STRN3: variants seen among roughly 807,000 people sequenced by gnomAD.
The protein encoded by STRN3 is striatin 3, also known as striatin-3.
STRN3 carries 29 observed loss-of-function variants against 95.6 expected under a neutral mutation model. The observed-to-expected ratio is 0.30, with a 90% CI of 0.23 to 0.41. The LOEUF (loss-of-function observed/expected upper bound fraction) is 0.41, where lower values mean the gene tolerates loss of function less well. Ranked by LOEUF, STRN3 falls within the 10% of genes least tolerant of loss-of-function variation. The probability of loss-of-function intolerance (pLI) is 1.00; values close to 1 mark genes in which losing one functional copy is unlikely to be tolerated. For synonymous variants in STRN3, 331 were observed against 357.6 expected, an observed-to-expected ratio of 0.93 and a Z score of 0.84; for missense variants, 890 against 972.1, an observed-to-expected ratio of 0.92 and a Z score of 1.12.
At chr14:30,947,979 CAA>C (rs1566451831) in intron 4 of STRN3, among the ~76,000 whole-genome samples, 1 of 151,690 alleles carries the variant, frequency 6.6e-6, no homozygotes, top group South Asian at 2.1e-4. Context: ...GGCAGAAGAA[CAA>C]AAGATTTTTA....
At chr14:31,007,714 G>C (rs1243313548) in intron 1 of STRN3, among the ~76,000 whole-genome samples, 3 of 151,632 alleles carry the variant, frequency 2.0e-5, no homozygotes, top group African/African-American at 7.3e-5. Context: ...ACCATCCTAG[G>C]CAAATAACAA....
At chr14:30,906,301 T>C (rs1489076026) in intron 14 of STRN3, among the ~76,000 whole-genome samples, 2 of 152,194 alleles carry the variant, frequency 1.3e-5, no homozygotes, top group African/African-American at 2.4e-5. Flanking sequence ...TAAAACAATA[T>C]GTATTTTTAT....
chr14:30,895,067 A>AG lies in STRN3; in HGVS notation c.*343_*344insC. 4.7e-6 allele frequency: 1 copy of AG among 213,106 alleles called. No homozygotes were observed. Among genetic ancestry groups the AG allele is most frequent in the African/African-American group, 2.4e-5 (1 of 41,144 alleles). 13.2% of individuals were successfully genotyped at this position (213,106 alleles called of 1,614,324 possible). On this transcript the variant is annotated 3_prime_UTR_variant, in exon 18 of 18. Coordinates refer to ENST00000357479, the MANE Select transcript of STRN3 (RefSeq NM_001083893.2). ...CACACAGAGTCCAAAAAAAAAAAAA[A>AG]AAAAAAAAAAAAGAAGAAGAAGAAG...
Position 30,907,046 on chromosome 14 carries a change from T to C in STRN3, c.1721-2A>G. 1 of 1,596,912 alleles carries C rather than the reference T, an allele frequency of 6.3e-7. No individual in the cohort carries two copies. The highest frequency in any genetic ancestry group is 8.5e-7 in the Non-Finnish European group (1 of 1,175,536). ...AAGTGCCAGCTAGAACATTTGGCTC[T>C]GGGGAAAAAACAAACAAACAAAAAA... On this transcript the variant is annotated splice_acceptor_variant, in intron 13 of 17. Coordinates refer to ENST00000357479, the MANE Select transcript of STRN3 (RefSeq NM_001083893.2). LOFTEE classifies it high-confidence loss of function.
At chr14:30,900,946 C>CT (rs1380252000) in intron 16 of STRN3, among the ~76,000 whole-genome samples, 3 of 151,110 alleles carry the variant, frequency 2.0e-5, no homozygotes, top group Non-Finnish European at 4.4e-5. Context: ...AATAAAATAG[C>CT]TTTTCAGATG....
At chr14:30,896,793 T>C (rs148032624) in intron 16 of STRN3, among the ~76,000 whole-genome samples, 16 of 152,292 alleles carry the variant, frequency 1.1e-4, no homozygotes, top group African/African-American at 3.6e-4. Context: ...TTTCCCCAGA[T>C]ATTAACAAAA....
intron 1 of STRN3, among the ~76,000 whole-genome samples, chr14:30,989,524 A>C (rs1016708864): frequency 1.3e-5 from 2 of 152,054 alleles, no homozygotes; most frequent in Non-Finnish European, 2.9e-5. Context: ...GCAGTGGCGC[A>C]ATCTCAACTC....
At chr14:30,977,793 C>CAA (rs1482538397) in intron 1 of STRN3, among the ~76,000 whole-genome samples, 1 of 27,624 alleles carries the variant, frequency 3.6e-5, no homozygotes, top group African/African-American at 1.6e-4. Context: ...GACTCTATCT[C>CAA]GAAAAAAAAA....
intron 5 of STRN3, among the ~76,000 whole-genome samples, chr14:30,943,607 A>G (rs1258384821): frequency 6.6e-6 from 1 of 152,212 alleles, no homozygotes; most frequent in Non-Finnish European, 1.5e-5. Context: ...TCAAAACAAC[A>G]CTAAACAAAT....
intron 9 of STRN3, among the ~76,000 whole-genome samples, chr14:30,918,183 C>G (rs1040977431): frequency 1.3e-5 from 2 of 152,078 alleles, no homozygotes; most frequent in African/African-American, 4.8e-5. Flanking sequence ...ATTTAGGTAA[C>G]AGTTACATAT....
At chr14:30,989,750 G>A (rs1381483479) in intron 1 of STRN3, among the ~76,000 whole-genome samples, 2 of 151,960 alleles carry the variant, frequency 1.3e-5, no homozygotes, top group Non-Finnish European at 2.9e-5. Context: ...GAGCCACCGC[G>A]CCCGGACAAA....
chr14:30,959,877 A>G (rs1159069535), intron 1 of STRN3, among the ~76,000 whole-genome samples: 3 of 152,216 alleles, frequency 2.0e-5, no homozygotes, highest in Non-Finnish European at 4.4e-5. Context: ...AAAATTTAAC[A>G]AAGGCATTAA....
At chr14:30,986,656 C>G (rs1447243894) in intron 1 of STRN3, among the ~76,000 whole-genome samples, 1 of 152,234 alleles carries the variant, frequency 6.6e-6, no homozygotes, top group Non-Finnish European at 1.5e-5. Context: ...ATTACATTTT[C>G]CATCCTGCAT....
At chr14:30,971,437 T>A (rs1880821152) in intron 1 of STRN3, among the ~76,000 whole-genome samples, 1 of 152,194 alleles carries the variant, frequency 6.6e-6, no homozygotes, top group Non-Finnish European at 1.5e-5. Context: ...AGGATTTGAG[T>A]CAATATTTTG....
intron 1 of STRN3, among the ~76,000 whole-genome samples, chr14:31,001,840 A>C (rs1882466135): frequency 6.6e-6 from 1 of 152,126 alleles, no homozygotes. Flanking sequence ...AGCCTGGCCA[A>C]CCAATATGGC....
intron 10 of STRN3, 33 bp from the exon 11 acceptor site, chr14:30,912,215 A>C: frequency 6.3e-7 from 1 of 1,597,486 alleles, no homozygotes; most frequent in Non-Finnish European, 8.5e-7. Flanking sequence ...TTAGTGGTAA[A>C]AGTAGTAAAC....
intron 1 of STRN3, among the ~76,000 whole-genome samples, chr14:31,004,424 G>A (rs541806564): frequency 2.0e-5 from 3 of 152,196 alleles, no homozygotes; most frequent in Non-Finnish European, 4.4e-5. Context: ...GCAAGACCCT[G>A]TCTGAAAAAG....
chr14:30,999,781 G>A (rs1164256976), intron 1 of STRN3, among the ~76,000 whole-genome samples: 2 of 152,202 alleles, frequency 1.3e-5, no homozygotes, highest in East Asian at 3.8e-4. Context: ...AATTTCCCAT[G>A]TGATAGAAAA....
intron 1 of STRN3, chr14:31,018,396 A>C (rs893738105): frequency 1.4e-5 from 5 of 367,374 alleles, no homozygotes; most frequent in Non-Finnish European, 2.6e-5. Context: ...TTGAATGAAC[A>C]ATACCTGTGA....
Sources: allele counts gnomAD v4.1 joint callset (sites outside exome capture counted in the v4.1 genomes callset), GRCh38; gene constraint gnomAD v4.1.1; transcripts MANE v1.5; gene names NCBI Gene and HGNC (gene_info 2026-07-23, HGNC 2026-07-21).